KMT2C: variants seen among roughly 807,000 people sequenced by gnomAD.
KMT2C encodes the protein lysine methyltransferase 2C.
KMT2C carries 88 observed loss-of-function variants against 507.9 expected under a neutral mutation model. The ratio of observed to expected loss-of-function variants is 0.17; its 90% CI spans 0.15 to 0.21. The LOEUF is 0.21. Ranked by LOEUF, KMT2C falls within the 10% of genes least tolerant of loss-of-function variation. KMT2C has a pLI of 1.00. For synonymous variants in KMT2C, 2,049 were observed against 2,080.8 expected (o/e 0.98, Z 0.42); for missense variants, 4,954 against 5,957.8 (o/e 0.83, Z 5.55).
chr7:152,186,893 T>C (rs1172795087), intron 33 of KMT2C, among the ~76,000 whole-genome samples: 1 of 149,870 alleles, frequency 6.7e-6, no homozygotes, highest in Non-Finnish European at 1.5e-5. Context: ...TTGAATTCGT[T>C]TCATAAAAAC....
At chr7:152,297,031 A>AAGAAAGAC (rs2096509881) in intron 6 of KMT2C, among the ~76,000 whole-genome samples, 2 of 97,430 alleles carry the variant, frequency 2.1e-5, no homozygotes, top group African/African-American at 1.0e-4. Flanking sequence ...GAAAGAAAGA[A>AAGAAAGAC]AGAAAGAAAG....
At chr7:152,265,991 T>C (rs1275085294) in intron 7 of KMT2C, among the ~76,000 whole-genome samples, 1 of 152,282 alleles carries the variant, frequency 6.6e-6, no homozygotes, top group African/African-American at 2.4e-5. Context: ...GTTAAACTTA[T>C]GCATACTGCA....
At chr7:152,330,169 T>TG (rs376494504) in intron 3 of KMT2C, among the ~76,000 whole-genome samples, 1,613 of 41,008 alleles carry the variant, frequency 0.039, 20 homozygotes, top group East Asian at 0.2. Flanking sequence ...GGAGGGGTGG[T>TG]GGGGGGGGGG....
In KMT2C at chr7:152,246,156, C is replaced by A. The variant is rs1588548523; in HGVS notation, c.2532+1746G>T. ...TCACCAATGGAAGATCTATCTTGTA[C>A]TATTCAATTCATACTCTCCCTAATA... On this transcript the variant is annotated intron_variant, in intron 14 of 58. Transcript: ENST00000262189. Among the ~76,000 whole-genome samples, 3 of 152,084 alleles carry A rather than the reference C, an allele frequency of 2.0e-5. No homozygotes were observed. In the East Asian group the frequency reaches 5.8e-4, roughly 29 times the overall value.
chr7:152,184,388 C>T (rs760569549), intron 34 of KMT2C, among the ~76,000 whole-genome samples: 15 of 151,988 alleles, frequency 9.9e-5, no homozygotes, highest in South Asian at 2.1e-4. Context: ...TGCTTTAAAA[C>T]GAAAGCAAGG....
chr7:152,364,777 T>C (rs931617006), intron 1 of KMT2C, among the ~76,000 whole-genome samples: 1 of 152,002 alleles, frequency 6.6e-6, no homozygotes, highest in African/African-American at 2.4e-5. Context: ...TACAGTGCCC[T>C]GTGGAATAAT....
At chr7:152,314,279 T>C (rs1390896945) in intron 4 of KMT2C, among the ~76,000 whole-genome samples, 2 of 152,158 alleles carry the variant, frequency 1.3e-5, no homozygotes, top group Non-Finnish European at 2.9e-5. Flanking sequence ...TAAATTTGGA[T>C]ATAAGCCAGA....
intron 25 of KMT2C, among the ~76,000 whole-genome samples, chr7:152,204,893 T>G (rs2094256560): frequency 6.6e-6 from 1 of 152,030 alleles, no homozygotes; most frequent in Admixed American, 6.6e-5. Flanking sequence ...ACCATTTCCT[T>G]ATAAAACCTG....
intron 6 of KMT2C, among the ~76,000 whole-genome samples, chr7:152,309,507 CTTTTT>C (rs60166582): frequency 8.2e-4 from 72 of 87,972 alleles, no homozygotes; most frequent in Non-Finnish European, 1.3e-3. Context: ...CATAAAATAA[CTTTTT>C]TTTTTTTTTT....
At position 152,199,433 on chromosome 7, in the gene KMT2C, TAGA is replaced by T. The variant is rs761000251; in HGVS notation, c.4116_4118del (p.Leu1373del). 6.4e-7 allele frequency: 1 copy of T among 1,559,560 alleles called. No individual in the cohort carries two copies. Among genetic ancestry groups the T allele is most frequent in the Admixed American group, 2.2e-5 (1 of 45,454 alleles). On this transcript the variant is annotated inframe_deletion, in exon 27 of 59. Transcript: ENST00000262189. ...TTATCTTGCTTTGTCTACTTGTATC[TAGA>T]AGATCTTTTCCAAAGAAAGCTTCCT... is the stretch of plus-strand genomic sequence containing the variant.
Position 152,252,557 on chromosome 7 carries a change from A to G in KMT2C, c.1458T>C (p.Asn486=), listed in dbSNP as rs1482178225. The G allele has an allele frequency of 3.7e-6, 6 of 1,612,536 alleles. No homozygotes were observed. The Admixed American group carries it at 6.7e-5, about 18-fold the overall frequency. Residue 486 remains asparagine, a synonymous_variant, in exon 10 of 59, where the codon AAT becomes AAC. Coordinates refer to ENST00000262189, the MANE Select transcript of KMT2C (RefSeq NM_170606.3). ...AACTATCTTCTTACCTTTTGCACAT[A>G]TTACAATGAAGCATGTCTTTCTGCA... The part of the protein sequence containing the change: ...PELQKDMLHC[N]MCKRWVHLEC...
chr7:152,414,291 G>A (rs1041185261), intron 1 of KMT2C, among the ~76,000 whole-genome samples: 3 of 151,102 alleles, frequency 2.0e-5, no homozygotes, highest in African/African-American at 7.3e-5. Context: ...CATTTTGGGA[G>A]GCCAAGGGGG....
Position 152,149,259 on chromosome 7 carries a change from C to T in KMT2C, c.12775-107G>A, listed in dbSNP as rs974605853. 7 of 1,058,240 alleles carry T rather than the reference C, an allele frequency of 6.6e-6. No individual in the cohort carries two copies. In the African/African-American group the frequency reaches 8.1e-5, roughly 12 times the overall value. 65.6% of individuals were successfully genotyped at this position (1,058,240 alleles called of 1,614,324 possible). A position where few individuals can be genotyped will look rare whatever the true frequency, so the allele number is the denominator to read the frequency against. On this transcript the variant is annotated intron_variant, in intron 51 of 58. Coordinates refer to ENST00000262189, the MANE Select transcript of KMT2C (RefSeq NM_170606.3). ...CAGTATGACTGAAGAGGATGGGTGA[C>T]CTGAGGGGCAGAGGGAGAGTCAGCA... is the stretch of plus-strand genomic sequence containing the variant.
At chr7:152,228,901 G>A (rs1588406189) in intron 18 of KMT2C, among the ~76,000 whole-genome samples, 2 of 152,020 alleles carry the variant, frequency 1.3e-5, no homozygotes, top group South Asian at 2.1e-4. Context: ...TAAATTAACC[G>A]TACTAGTCTT....
intron 51 of KMT2C, among the ~76,000 whole-genome samples, chr7:152,149,372 G>C (rs183669641): frequency 6.6e-6 from 1 of 152,088 alleles, no homozygotes; most frequent in Non-Finnish European, 1.5e-5. Context: ...GCTGTGCCGC[G>C]TCCTTTCGAG....
At chr7:152,410,586 TAA>T (rs138748685) in intron 1 of KMT2C, among the ~76,000 whole-genome samples, 20 of 137,826 alleles carry the variant, frequency 1.5e-4, no homozygotes, top group African/African-American at 2.7e-4. Flanking sequence ...TCAAATAAAA[TAA>T]AATTTTTTTT....
At chr7:152,306,760 A>G (rs1166866189) in intron 6 of KMT2C, among the ~76,000 whole-genome samples, 1 of 152,136 alleles carries the variant, frequency 6.6e-6, no homozygotes, top group Non-Finnish European at 1.5e-5. Flanking sequence ...CCTGTCAACA[A>G]ATGTGTTGTT....
chr7:152,327,831 A>G (rs923664656), intron 3 of KMT2C, among the ~76,000 whole-genome samples: 4 of 151,544 alleles, frequency 2.6e-5, no homozygotes, highest in Admixed American at 6.6e-5. Context: ...GGTGGCGGGC[A>G]CCTGTAGTCC....
intron 1 of KMT2C, among the ~76,000 whole-genome samples, chr7:152,384,190 A>G (rs1019970988): frequency 1.3e-5 from 2 of 152,158 alleles, no homozygotes; most frequent in African/African-American, 4.8e-5. Flanking sequence ...AGAGTTCCAC[A>G]GTTTGTTCCT....
Sources: allele counts gnomAD v4.1 joint callset (sites outside exome capture counted in the v4.1 genomes callset), GRCh38; gene constraint gnomAD v4.1.1; transcripts MANE v1.5; gene names NCBI Gene and HGNC (gene_info 2026-07-23, HGNC 2026-07-21).